Variants in LAMA4 observed in about 807,000 individuals in gnomAD.
LAMA4 encodes laminin subunit alpha 4, also known as laminin subunit alpha-4.
In LAMA4, 127 loss-of-function variants were observed where a neutral mutation model predicts 207.1. That is an observed-to-expected ratio of 0.61 (90% CI 0.53 to 0.71). The LOEUF (loss-of-function observed/expected upper bound fraction) is 0.71. Ranked by LOEUF, LAMA4 falls within the 30% of genes least tolerant of loss-of-function variation. The probability of loss-of-function intolerance (pLI) is 0.00; values close to 1 mark genes in which losing one functional copy is unlikely to be tolerated. For missense variants in LAMA4, 2,093 were observed against 2,246.5 expected (o/e 0.93, Z 1.38); for synonymous variants, 761 against 816.0 (o/e 0.93, Z 1.15).
In LAMA4 at chr6:112,185,124, C is replaced by T. The variant is rs1211763595; in HGVS notation, c.1077+113G>A. On this transcript the variant is annotated intron_variant, in intron 9 of 38. Transcript: ENST00000230538. ...GATTTATTTTAAGGCACATGGGTCACTGCATTTTTTCTGGGCTGTGTTAAG... is the reference window on the plus strand; with the variant it reads ...GATTTATTTTAAGGCACATGGGTCATTGCATTTTTTCTGGGCTGTGTTAAG... The T allele has an allele frequency of 6.4e-6, 5 of 780,654 alleles. No homozygotes were observed. The Admixed American group carries it at 6.9e-5, about 11-fold the overall frequency. 48.4% of individuals were successfully genotyped at this position (780,654 alleles called of 1,614,324 possible).
intron 16 of LAMA4, among the ~76,000 whole-genome samples, chr6:112,154,288 G>T (rs1156781004): frequency 6.7e-6 from 1 of 148,788 alleles, no homozygotes; most frequent in African/African-American, 2.5e-5. Context: ...ACTGGCCTTT[G>T]GAAATGCTTC....
At chr6:112,165,599 A>G (rs138629198) in intron 12 of LAMA4, among the ~76,000 whole-genome samples, 124 of 152,350 alleles carry the variant, frequency 8.1e-4, no homozygotes, top group African/African-American at 2.9e-3. Context: ...ACTATGGAGA[A>G]AGGATTGAAC....
chr6:112,221,172 C>T (rs1353567989), intron 2 of LAMA4, among the ~76,000 whole-genome samples: 2 of 152,036 alleles, frequency 1.3e-5, no homozygotes, highest in Non-Finnish European at 2.9e-5. Flanking sequence ...GTTTCTGAGT[C>T]CCAAAGAGGA....
intron 2 of LAMA4, among the ~76,000 whole-genome samples, chr6:112,240,171 G>A (rs76763581): frequency 0.021 from 3,125 of 152,142 alleles, 101 homozygotes; most frequent in African/African-American, 0.067. Flanking sequence ...CTAAACCTTC[G>A]TTAGTTGTCC....
chr6:112,114,770 G>A lies in LAMA4; in HGVS notation c.5113-14C>T. ...TTTCACTATGACCTGCAAAAGATAG[G>A]ACACATTGTATGATTTAGTTTGTCC... On this transcript the variant is annotated splice_polypyrimidine_tract_variant and intron_variant, in intron 36 of 38. Transcript: ENST00000230538. 6.4e-6 allele frequency: 10 copies of A among 1,550,898 alleles called. No homozygotes were observed. Among genetic ancestry groups the A allele is most frequent in the Non-Finnish European group, 8.9e-6 (10 of 1,122,654 alleles).
intron 2 of LAMA4, among the ~76,000 whole-genome samples, chr6:112,235,002 A>T (rs1475997322): frequency 6.6e-6 from 1 of 152,232 alleles, no homozygotes; most frequent in Non-Finnish European, 1.5e-5. Flanking sequence ...CATCTTAAAT[A>T]CAGTATTATT....
chr6:112,217,199 T>C (rs1554359044), intron 2 of LAMA4, among the ~76,000 whole-genome samples: 1 of 152,196 alleles, frequency 6.6e-6, no homozygotes, highest in East Asian at 1.9e-4. Context: ...CCAATTGACC[T>C]GCACAATCAT....
At chr6:112,236,311 A>G (rs932592173) in intron 2 of LAMA4, 7 of 152,178 alleles carry the variant, frequency 4.6e-5, no homozygotes, top group Non-Finnish European at 7.3e-5. Context: ...ACGCTAGGAG[A>G]CTTTGGGCTT....
intron 2 of LAMA4, among the ~76,000 whole-genome samples, chr6:112,238,816 A>G (rs1340937783): frequency 6.6e-6 from 1 of 152,222 alleles, no homozygotes; most frequent in African/African-American, 2.4e-5. Flanking sequence ...AAAACAGGGC[A>G]ATTACACGCA....
intron 14 of LAMA4, among the ~76,000 whole-genome samples, chr6:112,157,316 T>C (rs1554337239): frequency 1.5e-5 from 2 of 135,802 alleles, no homozygotes; most frequent in African/African-American, 6.0e-5. Flanking sequence ...ATTACTTTGC[T>C]TTTAATACTA....
intron 2 of LAMA4, among the ~76,000 whole-genome samples, chr6:112,231,297 G>A (rs148247491): frequency 6.6e-6 from 1 of 152,194 alleles, no homozygotes; most frequent in Non-Finnish European, 1.5e-5. Context: ...GTAAGGTGGA[G>A]TGACCTCTCT....
rs1781505503 is a variant in LAMA4 at position 112,168,244 on chromosome 6, A to ATAGAT, written c.1552-2969_1552-2968insATCTA. Among the ~76,000 whole-genome samples the ATAGAT allele has an allele frequency of 2.7e-5, 4 of 150,916 alleles. No individual in the cohort carries two copies. In the South Asian group the frequency reaches 8.4e-4, roughly 32 times the overall value. ...GACTCCTAGACAGGAACATAGAAGAATATATGCTTAGTGTGATGAAGCCTG... is the reference window on the plus strand; with the variant it reads ...GACTCCTAGACAGGAACATAGAAGAATAGATTATATGCTTAGTGTGATGAAGCCTG... On this transcript the variant is annotated intron_variant, in intron 12 of 38. Coordinates refer to ENST00000230538, the MANE Select transcript of LAMA4 (RefSeq NM_001105206.3).
intron 13 of LAMA4, chr6:112,164,071 C>T (rs1193181776): frequency 6.6e-6 from 1 of 152,264 alleles, no homozygotes; most frequent in African/African-American, 2.4e-5. Context: ...CCAGGCAGAA[C>T]TGATAGCATG....
At position 112,140,990 on chromosome 6, in the gene LAMA4, T is replaced by C. The variant is rs1779658459; in HGVS notation, c.2814-68A>G. 8 of 1,370,850 alleles carry C rather than the reference T, an allele frequency of 5.8e-6. No homozygotes were observed. The South Asian group carries it at 8.3e-5, about 14-fold the overall frequency. The allele number at this position is 1,370,850 out of a possible 1,614,324, so 84.9% of individuals were successfully genotyped here. A position where few individuals can be genotyped will look rare whatever the true frequency, so the allele number is the denominator to read the frequency against. ...AGAAAATACTTTTTAAATGTCAAAATGTTAATGCTCCCTCATCACAAAATG... is the reference window on the plus strand; with the variant it reads ...AGAAAATACTTTTTAAATGTCAAAACGTTAATGCTCCCTCATCACAAAATG... On this transcript the variant is annotated intron_variant, in intron 21 of 38. Coordinates refer to ENST00000230538, the MANE Select transcript of LAMA4 (RefSeq NM_001105206.3).
Position 112,163,470 on chromosome 6 carries a change from G to T in LAMA4, c.1668+1690C>A, listed in dbSNP as rs112919441. Among the ~76,000 whole-genome samples the T allele has an allele frequency of 1.5e-3, 236 of 152,308 alleles. 1 individual carries two copies. Among genetic ancestry groups the T allele is most frequent in the African/African-American group, 5.4e-3 (225 of 41,576 alleles). On this transcript the variant is annotated intron_variant, in intron 13 of 38. Coordinates refer to ENST00000230538, the MANE Select transcript of LAMA4 (RefSeq NM_001105206.3). ...GGGGCTGGGAAGAAACCGCTAGCCA[G>T]GGTAGAGGCCATGAGCGGTACCAGA...
At position 112,191,074 on chromosome 6, in the gene LAMA4, C is replaced by T. The variant is rs111970166; in HGVS notation, c.718+562G>A. 3.7e-3 allele frequency among the ~76,000 whole-genome samples: 565 copies of T among 151,678 alleles called. 9 individuals are homozygous for T. Among genetic ancestry groups the T allele is most frequent in the African/African-American group, 0.013 (524 of 41,262 alleles). ...GCGGTGGCACAATCTTGACTCATGG[C>T]AACCTCTGCCTCCACCTCCTGGGTT... On this transcript the variant is annotated intron_variant, in intron 6 of 38. Transcript: ENST00000230538.
chr6:112,153,755 A>G (rs1554336229), intron 16 of LAMA4, among the ~76,000 whole-genome samples: 1 of 152,150 alleles, frequency 6.6e-6, no homozygotes, highest in African/African-American at 2.4e-5. Context: ...TGATATTCTA[A>G]TCCATAGAGT....
At chr6:112,156,648 A>T (rs1413680058) in intron 14 of LAMA4, among the ~76,000 whole-genome samples, 1 of 152,124 alleles carries the variant, frequency 6.6e-6, no homozygotes, top group Admixed American at 6.5e-5. Context: ...ATCGATGATT[A>T]GTATCATCAC....
At chr6:112,145,010 A>G (rs112009562) in intron 18 of LAMA4, 77 bp from the exon 19 acceptor site, 1 of 1,267,252 alleles carries the variant, frequency 7.9e-7, no homozygotes, top group Non-Finnish European at 1.1e-6. Context: ...GACAATAAAC[A>G]TGGATTACAT....
Sources: allele counts gnomAD v4.1 joint callset (sites outside exome capture counted in the v4.1 genomes callset), GRCh38; gene constraint gnomAD v4.1.1; transcripts MANE v1.5; gene names NCBI Gene and HGNC (gene_info 2026-07-23, HGNC 2026-07-21).